The following DOCK9 variants were observed in gnomAD, a reference collection of about 807,000 sequenced individuals.
DOCK9 encodes dedicator of cytokinesis 9.
DOCK9 carries 89 observed loss-of-function variants against 263.3 expected under a neutral mutation model. The ratio of observed to expected loss-of-function variants is 0.34; its 90% confidence interval spans 0.28 to 0.40. The LOEUF is 0.40. Ranked by LOEUF, DOCK9 falls within the 10% of genes least tolerant of loss-of-function variation. The pLI is 1.00. For synonymous variants in DOCK9, 976 were observed against 973.1 expected (o/e 1.00, Z -0.06); for missense variants, 2,140 against 2,603.4 (o/e 0.82, Z 3.87).
At chr13:98,919,572 T>C (rs771584033) in intron 7 of DOCK9, among the ~76,000 whole-genome samples, 8 of 152,320 alleles carry the variant, frequency 5.3e-5, no homozygotes, top group Middle Eastern at 3.4e-3. Context: ...TCAGCCATCA[T>C]GGAGTTATCT....
At chr13:99,015,637 G>A in intron 1 of DOCK9, 1 of 1,572,708 alleles carries the variant, frequency 6.4e-7, no homozygotes, top group Non-Finnish European at 8.6e-7. Flanking sequence ...CAGTTTTTTA[G>A]CAATCTCTAC....
At chr13:98,992,061 G>C (rs891593129) in intron 1 of DOCK9, among the ~76,000 whole-genome samples, 2 of 151,528 alleles carry the variant, frequency 1.3e-5, no homozygotes, top group African/African-American at 4.9e-5. Context: ...TGTCACACAT[G>C]AGAAATAAAA....
At chr13:98,838,792 G>A (rs778814172) in intron 38 of DOCK9, among the ~76,000 whole-genome samples, 9 of 152,234 alleles carry the variant, frequency 5.9e-5, no homozygotes, top group Admixed American at 2.0e-4. Flanking sequence ...TTAAAGCGAC[G>A]CCTCATTACT....
At chr13:99,085,915 T>C (rs561474998) in intron 1 of DOCK9, among the ~76,000 whole-genome samples, 7 of 151,574 alleles carry the variant, frequency 4.6e-5, no homozygotes, top group East Asian at 1.9e-4. Flanking sequence ...AGCAGGTAAA[T>C]TGGGAGAGAG....
At chr13:98,910,749 T>C (rs947753582) in intron 9 of DOCK9, among the ~76,000 whole-genome samples, 23 of 152,150 alleles carry the variant, frequency 1.5e-4, no homozygotes, top group Admixed American at 1.1e-3. Flanking sequence ...TTTGTAATCT[T>C]ACTGAACTGT....
intron 1 of DOCK9, among the ~76,000 whole-genome samples, chr13:98,962,632 G>A (rs1427978364): frequency 5.5e-5 from 8 of 145,386 alleles, no homozygotes; most frequent in African/African-American, 2.0e-4. Flanking sequence ...TTGCATGATA[G>A]GTTTTAAAAA....
intron 1 of DOCK9, among the ~76,000 whole-genome samples, chr13:99,027,938 T>G (rs1299875815): frequency 6.6e-6 from 1 of 152,218 alleles, no homozygotes; most frequent in East Asian, 1.9e-4. Context: ...AGACAACAGT[T>G]GTAAGGCAAC....
intron 1 of DOCK9, among the ~76,000 whole-genome samples, chr13:99,038,695 C>T (rs970787389): frequency 3.8e-4 from 58 of 152,218 alleles, no homozygotes; most frequent in African/African-American, 1.4e-3. Flanking sequence ...AAAAGGATTT[C>T]AGTTTTCCCA....
intron 41 of DOCK9, among the ~76,000 whole-genome samples, chr13:98,830,023 G>T (rs796423526): frequency 4.5e-4 from 68 of 152,332 alleles, no homozygotes; most frequent in African/African-American, 1.6e-3. Context: ...GAAAGAAAAT[G>T]AGATAAGCCC....
Position 98,859,958 on chromosome 13 carries a change from G to T in DOCK9, c.3697+447C>A, listed in dbSNP as rs1241532252. ...ACAGAAAAAGTCTTGCGGGACAGAAGACTTTTGAGAACTGATTTTAGCACT... is the reference window on the plus strand; with the variant it reads ...ACAGAAAAAGTCTTGCGGGACAGAATACTTTTGAGAACTGATTTTAGCACT... On this transcript the variant is annotated intron_variant, in intron 33 of 52. Transcript: ENST00000682017. 9 of 163,306 alleles carry T rather than the reference G, an allele frequency of 5.5e-5. No homozygotes were observed. The East Asian group carries it at 1.5e-3, about 26-fold the overall frequency. The allele number at this position is 163,306 out of a possible 1,614,324, so 10.1% of individuals were successfully genotyped here. A position where few individuals can be genotyped will look rare whatever the true frequency, so the allele number is the denominator to read the frequency against.
At chr13:99,062,074 G>T (rs2041218426) in intron 1 of DOCK9, among the ~76,000 whole-genome samples, 1 of 151,972 alleles carries the variant, frequency 6.6e-6, no homozygotes, top group African/African-American at 2.4e-5. Context: ...CTCTCGCTAT[G>T]TTGCTTAGGC....
At chr13:99,034,295 G>C (rs910685937) in intron 1 of DOCK9, among the ~76,000 whole-genome samples, 1 of 152,168 alleles carries the variant, frequency 6.6e-6, no homozygotes, top group South Asian at 2.1e-4. Flanking sequence ...AAGTCACTGA[G>C]GTAACAGCTC....
chr13:98,942,244 T>TTG (rs1567040735), intron 2 of DOCK9, among the ~76,000 whole-genome samples: 63 of 149,764 alleles, frequency 4.2e-4, no homozygotes, highest in East Asian at 3.5e-3. Flanking sequence ...TGTTTTTTTT[T>TTG]TTTGTTTTTT....
chr13:98,845,437 T>G lies in DOCK9; in HGVS notation c.4198+487A>C, dbSNP rs545473239. 17 of 1,151,268 alleles carry G rather than the reference T, an allele frequency of 1.5e-5. No homozygotes were observed. The East Asian group carries it at 6.5e-4, about 44-fold the overall frequency. 71.3% of individuals were successfully genotyped at this position (1,151,268 alleles called of 1,614,324 possible). On this transcript the variant is annotated intron_variant, in intron 38 of 52. Coordinates refer to ENST00000682017, the MANE Select transcript of DOCK9 (RefSeq NM_001366683.2). ...TTCCACACCCTCACAAATTGATTCA[T>G]GGGCTTTATGTTTTCACAGTAGTGC...
chr13:98,895,056 G>A (rs1467541781), intron 15 of DOCK9, among the ~76,000 whole-genome samples: 1 of 149,118 alleles, frequency 6.7e-6, no homozygotes, highest in Admixed American at 6.7e-5. Flanking sequence ...TGAGGCAGGA[G>A]AATTGCTTGA....
At chr13:98,877,902 A>T (rs1289259706) in intron 27 of DOCK9, among the ~76,000 whole-genome samples, 1 of 152,186 alleles carries the variant, frequency 6.6e-6, no homozygotes, top group Admixed American at 6.5e-5. Context: ...GTTTATTTAG[A>T]GCCAAAAATA....
chr13:99,052,803 C>T (rs1225697389), intron 1 of DOCK9, among the ~76,000 whole-genome samples: 1 of 151,604 alleles, frequency 6.6e-6, no homozygotes, highest in Admixed American at 6.6e-5. Context: ...CAGGGTCTCA[C>T]TATGTTGCCC....
rs768371167 is a variant in DOCK9, at chr13:98,955,464, T to C, written c.214A>G (p.Met72Val). The C allele has an allele frequency of 2.5e-6, 4 of 1,594,186 alleles. No homozygotes were observed. The highest frequency in any genetic ancestry group is 3.5e-5 in the Admixed American group (2 of 57,838). Reference sequence around the variant, plus strand: ...AAGTCATCGTAAGGGAAGAGCAGCATCTCCCGTAAACAGTCGTTCAGGATC... The same window carrying C: ...AAGTCATCGTAAGGGAAGAGCAGCACCTCCCGTAAACAGTCGTTCAGGATC... ...TQILNDCLRE[M>V]LLFPYDDFQT... Residue 72 changes from methionine to valine, a missense_variant, in exon 2 of 53, where the codon ATG (methionine) becomes GTG (valine). Physicochemically the swap from Met to Val is conservative, Grantham distance 21. Transcript: ENST00000682017.
At chr13:98,863,944 G>A (rs139512315) in intron 30 of DOCK9, among the ~76,000 whole-genome samples, 1 of 152,244 alleles carries the variant, frequency 6.6e-6, no homozygotes, top group East Asian at 1.9e-4. Flanking sequence ...CTGTATAAGA[G>A]CAGTTTGTGC....
Sources: gnomAD v4.1 joint callset for allele counts (sites outside exome capture counted in the v4.1 genomes callset) on GRCh38, gnomAD v4.1.1 for gene constraint, MANE v1.5 for transcripts, NCBI Gene and HGNC (gene_info 2026-07-23, HGNC 2026-07-21) for gene names.